Variants in CCSER1 observed in about 807,000 individuals in gnomAD.
The protein encoded by CCSER1 is serine-rich coiled-coil domain-containing protein 1.
Under a neutral mutation model 82.0 loss-of-function variants are expected in CCSER1, and 41 were observed. The observed-to-expected ratio is 0.50, with a 90% CI of 0.39 to 0.65. CCSER1 has a LOEUF of 0.65. Among genes scored for constraint, CCSER1 ranks in the 30% least tolerant of loss-of-function variants. The pLI is 0.00. For missense variants in CCSER1, 1,119 were observed against 1,064.2 expected (o/e 1.05, Z -0.72); for synonymous variants, 414 against 383.9 (o/e 1.08, Z -0.92).
intron 10 of CCSER1, among the ~76,000 whole-genome samples, chr4:91,190,383 CT>C (rs142905380): frequency 0.013 from 1,999 of 152,282 alleles, 27 homozygotes; most frequent in African/African-American, 0.036. Flanking sequence ...GTGGCTTTTC[CT>C]CTTCCCATGT....
chr4:91,044,788 C>T (rs1742297783), intron 9 of CCSER1, among the ~76,000 whole-genome samples: 1 of 152,176 alleles, frequency 6.6e-6, no homozygotes, highest in Non-Finnish European at 1.5e-5. Context: ...ATCAAAGCAC[C>T]TGAGACATAA....
intron 9 of CCSER1, among the ~76,000 whole-genome samples, chr4:90,956,598 G>T (rs1202162048): frequency 6.6e-6 from 1 of 152,120 alleles, no homozygotes; most frequent in Middle Eastern, 3.4e-3. Flanking sequence ...GAGACATAGA[G>T]AAAAGAATTT....
chr4:90,359,889 G>A (rs13138001), intron 3 of CCSER1, among the ~76,000 whole-genome samples: 227 of 27,410 alleles, frequency 8.3e-3, no homozygotes, highest in African/African-American at 0.036. Context: ...GTATATATAT[G>A]TGTGTGTGTA....
chr4:91,309,977 A>G (rs919758995), intron 10 of CCSER1, among the ~76,000 whole-genome samples: 6 of 151,922 alleles, frequency 3.9e-5, no homozygotes, highest in African/African-American at 9.7e-5. Flanking sequence ...GCTCTAGGGA[A>G]TGATATATTC....
intron 1 of CCSER1, among the ~76,000 whole-genome samples, chr4:90,301,093 C>T (rs986409380): frequency 6.6e-6 from 1 of 151,962 alleles, no homozygotes; most frequent in Non-Finnish European, 1.5e-5. Context: ...TTCAGCCTCC[C>T]GAAATGTTGG....
At chr4:90,896,533 T>C (rs1258052850) in intron 8 of CCSER1, among the ~76,000 whole-genome samples, 1 of 151,952 alleles carries the variant, frequency 6.6e-6, no homozygotes, top group African/African-American at 2.4e-5. Context: ...ATTGGTATAA[T>C]AGACAAATCA....
At chr4:90,499,744 A>T (rs1206794582) in intron 5 of CCSER1, among the ~76,000 whole-genome samples, 2 of 152,168 alleles carry the variant, frequency 1.3e-5, no homozygotes, top group Non-Finnish European at 2.9e-5. Context: ...AGCAAGGAAA[A>T]GGATAAATGA....
chr4:90,339,142 CT>C (rs766055087), intron 3 of CCSER1, among the ~76,000 whole-genome samples: 1 of 152,188 alleles, frequency 6.6e-6, no homozygotes, highest in Non-Finnish European at 1.5e-5. Context: ...CAATTACCAA[CT>C]TTCCCCGTTA....
intron 1 of CCSER1, among the ~76,000 whole-genome samples, chr4:90,187,358 ATTTTT>A (rs67308500): frequency 2.3e-5 from 3 of 130,442 alleles, no homozygotes; most frequent in Admixed American, 7.8e-5. Flanking sequence ...TACAGTAGCT[ATTTTT>A]TTTTTTTTTT....
intron 1 of CCSER1, among the ~76,000 whole-genome samples, chr4:90,239,436 C>A (rs576838241): frequency 1.3e-5 from 2 of 152,090 alleles, no homozygotes; most frequent in African/African-American, 2.4e-5. Context: ...AGCTAATATT[C>A]AAAATAACTC....
chr4:90,132,921 A>G (rs1723046425), intron 1 of CCSER1, among the ~76,000 whole-genome samples: 1 of 152,328 alleles, frequency 6.6e-6, no homozygotes, highest in South Asian at 2.1e-4. Flanking sequence ...TTATCTAGTG[A>G]CAATTCTTAA....
chr4:90,947,687 A>G (rs1490682281), intron 9 of CCSER1, among the ~76,000 whole-genome samples: 1 of 152,148 alleles, frequency 6.6e-6, no homozygotes, highest in East Asian at 1.9e-4. Flanking sequence ...TGACAGTGTT[A>G]TTTCAACAAC....
chr4:90,920,871 T>G (rs1728280196), intron 8 of CCSER1, among the ~76,000 whole-genome samples: 1 of 151,848 alleles, frequency 6.6e-6, no homozygotes, highest in Non-Finnish European at 1.5e-5. Context: ...ATCATGAAGG[T>G]GAAATTTCTG....
intron 10 of CCSER1, among the ~76,000 whole-genome samples, chr4:91,231,789 C>A (rs145075079): frequency 6.6e-6 from 1 of 151,646 alleles, no homozygotes; most frequent in African/African-American, 2.4e-5. Context: ...CAAAGTCATA[C>A]CAAGCAGATA....
intron 1 of CCSER1, among the ~76,000 whole-genome samples, chr4:90,300,056 A>AT (rs907158716): frequency 7.2e-5 from 11 of 151,964 alleles, no homozygotes; most frequent in Non-Finnish European, 1.6e-4. Flanking sequence ...CTACCAGGTT[A>AT]TTTTCTGAAT....
At chr4:91,378,463 C>T (rs925617616) in intron 10 of CCSER1, among the ~76,000 whole-genome samples, 1 of 152,190 alleles carries the variant, frequency 6.6e-6, no homozygotes, top group Non-Finnish European at 1.5e-5. Flanking sequence ...AGAAGTCCTT[C>T]ACATTCCTTG....
intron 8 of CCSER1, among the ~76,000 whole-genome samples, chr4:90,830,398 T>C (rs1760984515): frequency 6.6e-6 from 1 of 152,144 alleles, no homozygotes; most frequent in Non-Finnish European, 1.5e-5. Flanking sequence ...ATGTTTGCTA[T>C]GGAGAAGCAA....
chr4:90,303,054 A>T (rs1315803551), intron 1 of CCSER1, among the ~76,000 whole-genome samples: 3 of 152,212 alleles, frequency 2.0e-5, no homozygotes, highest in African/African-American at 7.2e-5. Flanking sequence ...CATATTAAAA[A>T]TAAAAGACAT....
At chr4:91,542,447 G>A (rs1761653731) in intron 10 of CCSER1, among the ~76,000 whole-genome samples, 1 of 152,026 alleles carries the variant, frequency 6.6e-6, no homozygotes, top group Non-Finnish European at 1.5e-5. Flanking sequence ...TTCTACATAT[G>A]GCTAGCTCAT....
Sources: allele counts gnomAD v4.1 joint callset (sites outside exome capture counted in the v4.1 genomes callset), GRCh38; gene constraint gnomAD v4.1.1; transcripts MANE v1.5; gene names NCBI Gene and HGNC (gene_info 2026-07-23, HGNC 2026-07-21).